PARD3: variants seen among roughly 807,000 people sequenced by gnomAD.
PARD3 encodes the protein partitioning defective 3 homolog.
Under a neutral mutation model 155.4 loss-of-function variants are expected in PARD3, and 75 were observed. The observed-to-expected ratio is 0.48, with a 90% confidence interval of 0.40 to 0.58. The LOEUF (loss-of-function observed/expected upper bound fraction) is 0.58. Ranked by LOEUF, PARD3 falls within the 20% of genes least tolerant of loss-of-function variation. The pLI, the probability that PARD3 is intolerant of heterozygous loss-of-function variation, is 0.00. For synonymous variants in PARD3, 576 were observed against 610.5 expected (o/e 0.94, Z 0.83); for missense variants, 1,642 against 1,721.7 (o/e 0.95, Z 0.82).
chr10:34,602,042 A>T (rs1376352319), intron 2 of PARD3, among the ~76,000 whole-genome samples: 1 of 152,044 alleles, frequency 6.6e-6, no homozygotes, highest in African/African-American at 2.4e-5. Flanking sequence ...TTAAAATTAT[A>T]AAAAAAAGAA....
At chr10:34,381,912 CAAAAAAAAAAAAAAAA>C (rs202053812) in intron 9 of PARD3, among the ~76,000 whole-genome samples, 15 of 71,870 alleles carry the variant, frequency 2.1e-4, no homozygotes, top group East Asian at 3.8e-4. Flanking sequence ...GGCCCTGTCT[CAAAAAAAAAAAAAAAA>C]AAAAAAAAAA....
intron 2 of PARD3, among the ~76,000 whole-genome samples, chr10:34,602,075 C>A (rs1177301133): frequency 6.6e-6 from 1 of 152,082 alleles, no homozygotes; most frequent in Non-Finnish European, 1.5e-5. Flanking sequence ...GAACTATAAG[C>A]AACAAAGATA....
chr10:34,814,687 C>T (rs1255459566), intron 1 of PARD3, among the ~76,000 whole-genome samples, 189 bp downstream of exon 1: 1 of 151,770 alleles, frequency 6.6e-6, no homozygotes, highest in Non-Finnish European at 1.5e-5. Flanking sequence ...CCAGAGGCTG[C>T]GCCCCGGCCC....
chr10:34,317,104 T>C lies in PARD3; in HGVS notation c.3065+3A>G, dbSNP rs374810644. The C allele has an allele frequency of 2.8e-4, 426 of 1,548,588 alleles. No individual in the cohort carries two copies. Among genetic ancestry groups the C allele is most frequent in the Non-Finnish European group, 3.7e-4 (421 of 1,146,270 alleles). On this transcript the variant is annotated splice_donor_region_variant and intron_variant, in intron 20 of 24. Coordinates refer to ENST00000374788, the MANE Select transcript of PARD3 (RefSeq NM_001184785.2). ...ATTCTGGTTTGGGATGGTAACGACTTACCTGAACATGTCTCCCAAGCCCTT... is the reference window on the plus strand; with the variant it reads ...ATTCTGGTTTGGGATGGTAACGACTCACCTGAACATGTCTCCCAAGCCCTT...
At chr10:34,127,171 CT>C (rs553326218) in intron 23 of PARD3, among the ~76,000 whole-genome samples, 65 of 152,276 alleles carry the variant, frequency 4.3e-4, no homozygotes, top group African/African-American at 1.3e-3. Context: ...ATCATTTTCA[CT>C]TTTCCCAATG....
intron 2 of PARD3, among the ~76,000 whole-genome samples, chr10:34,548,978 C>T (rs1034451044): frequency 6.6e-6 from 1 of 152,206 alleles, no homozygotes; most frequent in Admixed American, 6.5e-5. Context: ...GTGGCTGCCC[C>T]AGCATTTCCA....
At chr10:34,550,207 GT>G (rs921532634) in intron 2 of PARD3, among the ~76,000 whole-genome samples, 2 of 152,138 alleles carry the variant, frequency 1.3e-5, no homozygotes, top group African/African-American at 4.8e-5. Context: ...AGACAGGCGG[GT>G]CACTGCCATG....
chr10:34,769,424 A>G (rs892641455), intron 1 of PARD3, among the ~76,000 whole-genome samples: 15 of 152,182 alleles, frequency 9.9e-5, no homozygotes, highest in African/African-American at 1.9e-4. Flanking sequence ...CCCTGAATTC[A>G]GCCCACCTCC....
At chr10:34,398,380 C>A (rs917923246) in intron 7 of PARD3, among the ~76,000 whole-genome samples, 2 of 152,136 alleles carry the variant, frequency 1.3e-5, no homozygotes, top group African/African-American at 4.8e-5. Context: ...CTATGTTCTA[C>A]GGTCTCAGTC....
chr10:34,111,832 G>C (rs1047564154), intron 24 of PARD3, among the ~76,000 whole-genome samples: 1 of 152,152 alleles, frequency 6.6e-6, no homozygotes, highest in African/African-American at 2.4e-5. Flanking sequence ...ATCCTCCTGT[G>C]TCTGAGAAGG....
chr10:34,216,676 T>G (rs1041928713), intron 22 of PARD3, among the ~76,000 whole-genome samples: 2 of 152,248 alleles, frequency 1.3e-5, no homozygotes, highest in Admixed American at 6.5e-5. Context: ...AGTTTAGTCT[T>G]AAGAAGTTTA....
chr10:34,526,026 G>A (rs2082452203), intron 2 of PARD3, among the ~76,000 whole-genome samples: 1 of 145,016 alleles, frequency 6.9e-6, no homozygotes, highest in South Asian at 2.2e-4. Flanking sequence ...AGGTTGCGGT[G>A]AGCCAAGATC....
chr10:34,699,266 G>T (rs545194458), intron 1 of PARD3, among the ~76,000 whole-genome samples: 1 of 152,114 alleles, frequency 6.6e-6, no homozygotes, highest in Admixed American at 6.5e-5. Context: ...TGGATATGAC[G>T]TTTTGAAAAG....
intron 2 of PARD3, among the ~76,000 whole-genome samples, chr10:34,557,371 G>A (rs2085086958): frequency 6.6e-6 from 1 of 152,112 alleles, no homozygotes; most frequent in Admixed American, 6.5e-5. Context: ...AAAAGAGCCA[G>A]GGTCAGCAAA....
At chr10:34,355,957 C>CA (rs373557132) in intron 14 of PARD3, among the ~76,000 whole-genome samples, 1 of 92,384 alleles carries the variant, frequency 1.1e-5, no homozygotes, top group African/African-American at 5.3e-5. Flanking sequence ...CAAAACAAAA[C>CA]CAAACAAAAA....
At chr10:34,626,982 C>T (rs1464587988) in intron 2 of PARD3, among the ~76,000 whole-genome samples, 1 of 151,996 alleles carries the variant, frequency 6.6e-6, no homozygotes, top group African/African-American at 2.4e-5. Flanking sequence ...ACTTTCAAAG[C>T]CAAATATTCT....
At chr10:34,722,261 A>G (rs1016475004) in intron 1 of PARD3, among the ~76,000 whole-genome samples, 14 of 152,086 alleles carry the variant, frequency 9.2e-5, no homozygotes, top group African/African-American at 3.1e-4. Context: ...GTATATATAT[A>G]GACTGTTTAT....
chr10:34,168,943 T>C (rs1949662271), intron 22 of PARD3, among the ~76,000 whole-genome samples: 1 of 152,222 alleles, frequency 6.6e-6, no homozygotes, highest in African/African-American at 2.4e-5. Flanking sequence ...CAACGCTACC[T>C]AGAAATATCT....
At chr10:34,282,068 C>T (rs1589043747) in intron 21 of PARD3, among the ~76,000 whole-genome samples, 1 of 141,602 alleles carries the variant, frequency 7.1e-6, no homozygotes, top group African/African-American at 2.6e-5. Flanking sequence ...ACAGAAAGAA[C>T]GACATATGGA....
Sources: allele counts gnomAD v4.1 joint callset (sites outside exome capture counted in the v4.1 genomes callset), GRCh38; gene constraint gnomAD v4.1.1; transcripts MANE v1.5; gene names NCBI Gene and HGNC (gene_info 2026-07-23, HGNC 2026-07-21).